The following AGO2 variants were observed in gnomAD, a reference collection of about 807,000 sequenced individuals.
AGO2 encodes the protein argonaute RISC catalytic component 2.
Under a neutral mutation model 102.3 loss-of-function variants are expected in AGO2, and 5 were observed. The ratio of observed to expected loss-of-function variants is 0.05; its 90% CI spans 0.03 to 0.10. The LOEUF is 0.10. Ranked by LOEUF, AGO2 falls within the 10% of genes least tolerant of loss-of-function variation. The pLI is 1.00. For missense variants in AGO2, 541 were observed against 1,183.7 expected, an observed-to-expected ratio of 0.46 and a Z score of 7.97; for synonymous variants, 449 against 473.1, an observed-to-expected ratio of 0.95 and a Z score of 0.66.
intron 5 of AGO2, 49 bp downstream of exon 5, chr8:140,560,325 G>C (rs2073177867): frequency 1.3e-6 from 2 of 1,591,646 alleles, no homozygotes; most frequent in Non-Finnish European, 8.6e-7. Context: ...TGACCCCCCA[G>C]CCCATGCCCA....
Position 140,551,337 on chromosome 8 carries a change from C to T in AGO2, c.1369G>A (p.Ala457Thr). 2 of 1,580,126 alleles carry T rather than the reference C, an allele frequency of 1.3e-6. No homozygotes were observed. Among genetic ancestry groups the T allele is most frequent in the Non-Finnish European group, 1.7e-6 (2 of 1,158,804 alleles). Reference protein sequence around the residue: ...EIKVWAIACFAPQRQCTEVHL... With the variant: ...EIKVWAIACFTPQRQCTEVHL... ...ACTTCCGTGCACTGGCGCTGGGGGGCGAAGCACGCAATGGCCCACACCTTG... is the reference window on the plus strand; with the variant it reads ...ACTTCCGTGCACTGGCGCTGGGGGGTGAAGCACGCAATGGCCCACACCTTG... Residue 457 changes from alanine (A) to threonine (T), a missense_variant, in exon 11 of 19, where the codon GCC becomes ACC. Coordinates refer to ENST00000220592, the MANE Select transcript of AGO2 (RefSeq NM_012154.5).
intron 17 of AGO2, 70 bp downstream of exon 17, chr8:140,535,398 G>T: frequency 6.6e-7 from 1 of 1,504,372 alleles, no homozygotes; most frequent in Non-Finnish European, 9.3e-7. Flanking sequence ...CAGAGTGCAA[G>T]TGTTTGCTGA....
intron 8 of AGO2, among the ~76,000 whole-genome samples, chr8:140,556,783 G>C (rs1317003769): frequency 6.6e-6 from 1 of 152,214 alleles, no homozygotes; most frequent in East Asian, 1.9e-4. Flanking sequence ...TGATGTTAGA[G>C]GAGAGTGAAT....
At chr8:140,536,072 G>C (rs534596882) in intron 16 of AGO2, among the ~76,000 whole-genome samples, 17 of 152,210 alleles carry the variant, frequency 1.1e-4, no homozygotes, top group Admixed American at 9.8e-4. Context: ...GCACCTGAGA[G>C]AGCAGGGCGG....
At chr8:140,544,454 C>T in intron 13 of AGO2, 151 bp from the exon 14 acceptor site, 1 of 675,408 alleles carries the variant, frequency 1.5e-6, no homozygotes, top group Non-Finnish European at 2.4e-6. Context: ...TACTAAAAAC[C>T]CTGCAGATTA....
chr8:140,562,656 A>G (rs1214577858), intron 3 of AGO2, 22 bp from the exon 4 acceptor site: 3 of 1,608,352 alleles, frequency 1.9e-6, no homozygotes, highest in East Asian at 2.2e-5. Flanking sequence ...CAAGGCACAC[A>G]AGGTTACTCC....
chr8:140,613,900 C>T (rs1266621564), intron 1 of AGO2, among the ~76,000 whole-genome samples: 4 of 151,522 alleles, frequency 2.6e-5, no homozygotes, highest in Non-Finnish European at 5.9e-5. Context: ...TGCCTGTGAT[C>T]CCAGCTACTC....
chr8:140,555,660 GATA>G (rs1275326936), intron 10 of AGO2: 15 of 560,140 alleles, frequency 2.7e-5, no homozygotes, highest in Non-Finnish European at 4.4e-5. Context: ...ACTTTCATGG[GATA>G]ATAAAAATTA....
chr8:140,579,826 C>A (rs948460735), intron 2 of AGO2, among the ~76,000 whole-genome samples: 64 of 152,374 alleles, frequency 4.2e-4, no homozygotes, highest in African/African-American at 1.5e-3. Flanking sequence ...CCTGCATTCC[C>A]GTGAGTGGCT....
chr8:140,585,611 A>C (rs368403717), intron 1 of AGO2, among the ~76,000 whole-genome samples: 1 of 152,238 alleles, frequency 6.6e-6, no homozygotes, highest in South Asian at 2.1e-4. Flanking sequence ...CAAAGAGCCC[A>C]AAAGTGTCAA....
intron 1 of AGO2, 69 bp from the exon 2 acceptor site, chr8:140,585,380 G>T: frequency 6.6e-7 from 1 of 1,515,776 alleles, no homozygotes; most frequent in South Asian, 1.3e-5. Flanking sequence ...CCATCCCGCG[G>T]CCCCAAGCCA....
At chr8:140,591,683 T>C (rs754771220) in intron 1 of AGO2, 5 of 152,208 alleles carry the variant, frequency 3.3e-5, no homozygotes, top group Non-Finnish European at 7.3e-5. Flanking sequence ...ACCACCATTA[T>C]CTCTTTGAGA....
chr8:140,553,431 C>T (rs1258007868), intron 10 of AGO2, among the ~76,000 whole-genome samples: 2 of 124,812 alleles, frequency 1.6e-5, no homozygotes, highest in South Asian at 2.5e-4. Context: ...TTTTTTGAGA[C>T]GGAGTTTCGC....
rs531707403 is a variant in AGO2, at chr8:140,622,202, C to A, written c.22+13283G>T. Among the ~76,000 whole-genome samples, 5 of 152,320 alleles carry A rather than the reference C, an allele frequency of 3.3e-5. No individual in the cohort carries two copies. In the South Asian group the frequency reaches 8.3e-4, roughly 25 times the overall value. On this transcript the variant is annotated intron_variant, in intron 1 of 18. Transcript: ENST00000220592. ...AACAGGTCAATCCAGTGAGACGGAACGCAGATGGGTAGTTCCCAGGGGCTG... is the reference window on the plus strand; with the variant it reads ...AACAGGTCAATCCAGTGAGACGGAAAGCAGATGGGTAGTTCCCAGGGGCTG...
intron 1 of AGO2, among the ~76,000 whole-genome samples, 153 bp downstream of exon 1, chr8:140,635,332 C>T (rs920954864): frequency 2.1e-5 from 3 of 145,888 alleles, no homozygotes; most frequent in Non-Finnish European, 3.0e-5. Flanking sequence ...TCCTCGAGCC[C>T]CCAAGCGCGG....
At chr8:140,553,305 G>A (rs1169293090) in intron 10 of AGO2, among the ~76,000 whole-genome samples, 1 of 152,148 alleles carries the variant, frequency 6.6e-6, no homozygotes, top group Admixed American at 6.5e-5. Flanking sequence ...GAACGCTTGA[G>A]CCCGGAAGGT....
chr8:140,564,961 G>A (rs896173220), intron 3 of AGO2, among the ~76,000 whole-genome samples: 4 of 151,100 alleles, frequency 2.6e-5, no homozygotes, highest in Admixed American at 1.3e-4. Flanking sequence ...GTGAAACCTC[G>A]TCTCTACTAA....
At chr8:140,573,216 C>T (rs1412529475) in intron 2 of AGO2, among the ~76,000 whole-genome samples, 1 of 151,896 alleles carries the variant, frequency 6.6e-6, no homozygotes, top group Non-Finnish European at 1.5e-5. Context: ...GTTGCCCGGG[C>T]TGGAGTGCAG....
chr8:140,631,939 C>T (rs1224459244), intron 1 of AGO2, among the ~76,000 whole-genome samples: 1 of 152,208 alleles, frequency 6.6e-6, no homozygotes, highest in East Asian at 1.9e-4. Flanking sequence ...AAATGAGTCA[C>T]TCTACTTTTA....
Sources: allele counts gnomAD v4.1 joint callset (sites outside exome capture counted in the v4.1 genomes callset), GRCh38; gene constraint gnomAD v4.1.1; transcripts MANE v1.5; gene names NCBI Gene and HGNC (gene_info 2026-07-23, HGNC 2026-07-21).